Variants in OPHN1 observed in about 807,000 individuals in gnomAD.
OPHN1 encodes the protein oligophrenin 1.
A neutral mutation model predicts 60.7 loss-of-function variants in OPHN1; 11 were observed. The observed-to-expected ratio is 0.18, with a 90% CI of 0.11 to 0.30. The LOEUF (loss-of-function observed/expected upper bound fraction) is 0.30, where lower values mean the gene tolerates loss of function less well. Among genes scored for constraint, OPHN1 ranks in the 10% least tolerant of loss-of-function variants. The pLI, the probability that OPHN1 is intolerant of heterozygous loss-of-function variation, is 1.00. For missense variants in OPHN1, 449 were observed against 611.0 expected, an observed-to-expected ratio of 0.73 and a Z score of 2.80; for synonymous variants, 226 against 222.6, an observed-to-expected ratio of 1.02 and a Z score of -0.14.
intron 16 of OPHN1, among the ~76,000 whole-genome samples, chrX:68,115,271 T>G (rs2077122213): frequency 8.9e-6 from 1 of 112,791 alleles, no homozygotes; most frequent in Non-Finnish European, 1.9e-5. Context: ...GCTGTTTGTA[T>G]GTAAACAAAG....
At chrX:68,427,259 C>A (rs1162835988) in intron 2 of OPHN1, among the ~76,000 whole-genome samples, 14 of 106,510 alleles carry the variant, frequency 1.3e-4, no homozygotes, top group African/African-American at 4.8e-4. Context: ...ACACAGTGAA[C>A]TCTGTCTCAA....
Position 68,075,146 on chromosome X carries a change from T to C in OPHN1, c.1687-1847A>G, listed in dbSNP as rs968644247. ...GAGAGACTGAAAAAAACAAATGAGG[T>C]CAGCCCTATGAGTTTCCCAGCTTAG... On this transcript the variant is annotated intron_variant, in intron 19 of 24. Coordinates refer to ENST00000355520, the MANE Select transcript of OPHN1 (RefSeq NM_002547.3). Among the ~76,000 whole-genome samples, 70 of 111,257 alleles carry C rather than the reference T, an allele frequency of 6.3e-4. 1 individual carries two copies. Among genetic ancestry groups the C allele is most frequent in the Non-Finnish European group, 1.3e-4 (7 of 52,984 alleles).
chrX:68,403,947 A>G (rs1569304392), intron 2 of OPHN1, among the ~76,000 whole-genome samples: 1 of 108,620 alleles, frequency 9.2e-6, no homozygotes, highest in African/African-American at 3.4e-5. Context: ...GAAGAGTAAG[A>G]TAAGAGGAAA....
chrX:68,060,767 G>T (rs951062267), intron 21 of OPHN1, among the ~76,000 whole-genome samples: 32 of 111,677 alleles, frequency 2.9e-4, no homozygotes, highest in Non-Finnish European at 4.5e-4. Flanking sequence ...CTAAACAACA[G>T]AGCTGAAATG....
At chrX:68,113,290 T>G (rs2077112799) in intron 16 of OPHN1, 51 bp from the exon 17 acceptor site, 11 of 1,029,102 alleles carry the variant, frequency 1.1e-5, no homozygotes, top group Non-Finnish European at 1.4e-5. Flanking sequence ...CAGCTGGGTA[T>G]TGGATTCTTA....
At chrX:68,228,574 G>A (rs2077709866) in intron 6 of OPHN1, among the ~76,000 whole-genome samples, 1 of 111,592 alleles carries the variant, frequency 9.0e-6, no homozygotes, top group African/African-American at 3.3e-5. Flanking sequence ...CGATCAAGTT[G>A]GCTTCATCCC....
At chrX:68,051,027 G>A (rs1355202382) in intron 23 of OPHN1, among the ~76,000 whole-genome samples, 3 of 111,885 alleles carry the variant, frequency 2.7e-5, no homozygotes, top group African/African-American at 6.5e-5. Flanking sequence ...ATTTGGCCCA[G>A]CCTGAGGTTC....
chrX:68,098,030 G>A (rs1466170548), intron 18 of OPHN1, among the ~76,000 whole-genome samples: 3 of 110,860 alleles, frequency 2.7e-5, no homozygotes, highest in Admixed American at 9.6e-5. Flanking sequence ...TGCTTAGATT[G>A]GGGTTGTCTG....
rs1236813254 is a variant in OPHN1 at position 68,210,139 on chromosome X, A to T, written c.832+14T>A. On this transcript the variant is annotated intron_variant, in intron 9 of 24. Transcript: ENST00000355520. ...TTATTGAAACCCAATGGATACCCCT[A>T]TGTCCCCACACACATTTCTCTTGTG... 5 of 1,209,867 alleles carry T rather than the reference A, an allele frequency of 4.1e-6. No individual in the cohort carries two copies. Among genetic ancestry groups the T allele is most frequent in the Non-Finnish European group, 4.5e-6 (4 of 894,408 alleles).
chrX:68,398,960 A>AGTGTGT (rs113103699), intron 2 of OPHN1, among the ~76,000 whole-genome samples: 1,545 of 95,201 alleles, frequency 0.016, 29 homozygotes, highest in African/African-American at 0.053. Flanking sequence ...AAACAAAAAA[A>AGTGTGT]GTGTGTGTGT....
intron 2 of OPHN1, among the ~76,000 whole-genome samples, chrX:68,379,911 G>A (rs1458628936): frequency 1.1e-4 from 12 of 109,140 alleles, no homozygotes; most frequent in Admixed American, 7.8e-4. Context: ...GTCTCTGCCC[G>A]GCTTTGGTAT....
At chrX:68,169,173 A>G (rs968135105) in intron 15 of OPHN1, among the ~76,000 whole-genome samples, 1 of 111,512 alleles carries the variant, frequency 9.0e-6, no homozygotes, top group African/African-American at 3.3e-5. Flanking sequence ...GTGAATTCCC[A>G]TTCACAATTG....
chrX:68,334,685 G>A (rs2147681650), intron 2 of OPHN1, among the ~76,000 whole-genome samples: 1 of 111,191 alleles, frequency 9.0e-6, no homozygotes, highest in African/African-American at 3.3e-5. Flanking sequence ...TAATAAATAT[G>A]AAATTCCTGG....
chrX:68,303,246 C>T lies in OPHN1; in HGVS notation c.155-4150G>A, dbSNP rs146889698. ...ACAATTTATCTGGAATCACAAAAGA[C>T]CCCAAAAGCAGTATATCAAAGAGAT... is the stretch of plus-strand genomic sequence containing the variant. On this transcript the variant is annotated intron_variant, in intron 2 of 24. Coordinates refer to ENST00000355520, the MANE Select transcript of OPHN1 (RefSeq NM_002547.3). Among the ~76,000 whole-genome samples the T allele has an allele frequency of 4.6e-3, 514 of 112,113 alleles. 4 individuals are homozygous for T. The highest frequency in any genetic ancestry group is 0.016 in the African/African-American group (486 of 30,922).
At chrX:68,384,335 A>G (rs913199591) in intron 2 of OPHN1, among the ~76,000 whole-genome samples, 3 of 111,924 alleles carry the variant, frequency 2.7e-5, no homozygotes, top group African/African-American at 9.7e-5. Context: ...ACTTATGCCT[A>G]GGAAGGCCCT....
At chrX:68,391,879 C>T (rs1188199834) in intron 2 of OPHN1, among the ~76,000 whole-genome samples, 1 of 111,243 alleles carries the variant, frequency 9.0e-6, no homozygotes, top group African/African-American at 3.3e-5. Context: ...GAAACAGGTT[C>T]TCCCCCCAGA....
intron 2 of OPHN1, among the ~76,000 whole-genome samples, chrX:68,402,883 C>T (rs1400683587): frequency 9.0e-6 from 1 of 111,627 alleles, no homozygotes; most frequent in African/African-American, 3.3e-5. Flanking sequence ...CCGAGAAAAA[C>T]AAACATAGGC....
chrX:68,161,766 A>T (rs1387701743), intron 15 of OPHN1, among the ~76,000 whole-genome samples: 1 of 111,238 alleles, frequency 9.0e-6, no homozygotes, highest in African/African-American at 3.3e-5. Context: ...TGAAAAAAGA[A>T]GTATGGCAGC....
intron 5 of OPHN1, among the ~76,000 whole-genome samples, chrX:68,255,114 T>C (rs1261112155): frequency 9.2e-6 from 1 of 108,302 alleles, no homozygotes; most frequent in Non-Finnish European, 1.9e-5. Flanking sequence ...AGCCATCTTA[T>C]GACCCTGAGG....
Sources: gnomAD v4.1 joint callset for allele counts (sites outside exome capture counted in the v4.1 genomes callset) on GRCh38, gnomAD v4.1.1 for gene constraint, MANE v1.5 for transcripts, NCBI Gene and HGNC (gene_info 2026-07-23, HGNC 2026-07-21) for gene names.